TRIM42: variants seen among roughly 807,000 people sequenced by gnomAD.
The protein encoded by TRIM42 is tripartite motif containing 42.
Under a neutral mutation model 64.9 loss-of-function variants are expected in TRIM42, and 59 were observed. The observed-to-expected ratio is 0.91, with a 90% confidence interval of 0.74 to 1.13. The LOEUF (loss-of-function observed/expected upper bound fraction) is 1.13. Among genes scored for constraint, TRIM42 ranks in the 50% most tolerant of loss-of-function variants. The pLI is 0.00. For missense variants in TRIM42, 878 were observed against 929.5 expected, an observed-to-expected ratio of 0.94 and a Z score of 0.72; for synonymous variants, 354 against 346.3, an observed-to-expected ratio of 1.02 and a Z score of -0.25.
intron 2 of TRIM42, among the ~76,000 whole-genome samples, chr3:140,684,396 G>T (rs1988496630): frequency 6.6e-6 from 1 of 152,178 alleles, no homozygotes; most frequent in Non-Finnish European, 1.5e-5. Flanking sequence ...CTTAAGGAGT[G>T]GCCTACAGTC....
rs748318923 is a variant in TRIM42, at chr3:140,691,034, TCTC to T, written c.1933_1935del (p.Pro645del). ...GATGGAATTCTATGAAGTCATTACTTCTCCTCCTAACAACGTACAAATGGAGCT... is the reference window on the plus strand; with the variant it reads ...GATGGAATTCTATGAAGTCATTACTTCTCCTAACAACGTACAAATGGAGCT... On this transcript the variant is annotated inframe_deletion, in exon 4 of 5. Coordinates refer to ENST00000286349, the MANE Select transcript of TRIM42 (RefSeq NM_152616.5). 7 of 1,614,046 alleles carry T rather than the reference TCTC, an allele frequency of 4.3e-6. No homozygotes were observed. The highest frequency in any genetic ancestry group is 4.5e-5 in the East Asian group (2 of 44,866).
Position 140,683,167 on chromosome 3 carries a change from C to T in TRIM42, c.1039+8C>T, listed in dbSNP as rs535746554. The T allele has an allele frequency of 5.0e-6, 8 of 1,613,096 alleles. No homozygotes were observed. In the South Asian group the frequency reaches 5.5e-5, roughly 11 times the overall value. On this transcript the variant is annotated splice_region_variant and intron_variant, in intron 2 of 4. Transcript: ENST00000286349. ...TCGCCAAGTTCAAAGCAGGTCCTCC[C>T]CTTTTCCACTCCTTCAGCCTAACTT...
rs1306132577 is a variant in TRIM42 at position 140,683,019 on chromosome 3, A to G, written c.899A>G (p.Glu300Gly). 1 of 1,614,098 alleles carries G rather than the reference A, an allele frequency of 6.2e-7. No individual in the cohort carries two copies. The highest frequency in any genetic ancestry group is 1.3e-5 in the African/African-American group (1 of 74,934). ...CACCACCCATCCAGCCGCATCATCG[A>G]GTACTGCCGCAATGACAACAAATTG... ...CIHHPSSRII[E>G]YCRNDNKLLC... is the part of the protein sequence containing the mutation. The change falls in exon 2 of 5, where the codon GAG becomes GGG. Residue 300 changes from glutamate (E) to glycine (G), a missense_variant. Physicochemically the swap from Glu to Gly is moderately conservative, Grantham distance 98. Transcript: ENST00000286349.
intron 1 of TRIM42, among the ~76,000 whole-genome samples, chr3:140,681,427 T>G (rs953958166): frequency 2.0e-5 from 3 of 152,148 alleles, no homozygotes; most frequent in African/African-American, 7.2e-5. Flanking sequence ...TGACTTATAG[T>G]TGAGAAAACT....
chr3:140,683,220 G>A, intron 2 of TRIM42, 61 bp downstream of exon 2: 6 of 1,557,142 alleles, frequency 3.9e-6, no homozygotes, highest in Non-Finnish European at 4.4e-6. Flanking sequence ...GGGGAAGATG[G>A]CGTGGGGTAA....
chr3:140,683,343 C>G (rs954656999), intron 2 of TRIM42, among the ~76,000 whole-genome samples, 184 bp downstream of exon 2: 3 of 152,190 alleles, frequency 2.0e-5, no homozygotes, highest in African/African-American at 7.2e-5. Flanking sequence ...GCAACCACCA[C>G]CAGCCACTTA....
chr3:140,691,252 C>A lies in TRIM42; in HGVS notation c.2085+60C>A, dbSNP rs1435838111. The stretch of plus-strand genomic sequence containing the variant: ...TTTCTATGGTAGGTTCTGGATGAGG[C>A]CCTGTTAAGATGATCGTGAGATTAT... On this transcript the variant is annotated intron_variant, in intron 4 of 4. Transcript: ENST00000286349. 2.9e-6 allele frequency: 4 copies of A among 1,367,328 alleles called. No individual in the cohort carries two copies. In the Admixed American group the frequency reaches 6.8e-5, roughly 23 times the overall value. The allele number at this position is 1,367,328 out of a possible 1,614,324, so 84.7% of individuals were successfully genotyped here.
intron 4 of TRIM42, among the ~76,000 whole-genome samples, chr3:140,699,378 T>C (rs1988935424): frequency 6.6e-6 from 1 of 152,244 alleles, no homozygotes; most frequent in Admixed American, 6.5e-5. Context: ...TTCTATTTTC[T>C]AGAATAACTC....
intron 4 of TRIM42, among the ~76,000 whole-genome samples, chr3:140,697,498 A>T (rs1988881479): frequency 6.6e-6 from 1 of 152,182 alleles, no homozygotes; most frequent in Non-Finnish European, 1.5e-5. Flanking sequence ...TCTTTAATCC[A>T]TCCAGACTCT....
intron 4 of TRIM42, among the ~76,000 whole-genome samples, chr3:140,693,915 C>A (rs1041234505): frequency 3.3e-5 from 5 of 152,174 alleles, no homozygotes; most frequent in African/African-American, 4.8e-5. Flanking sequence ...CACTAATCAT[C>A]CCAACCACTG....
At chr3:140,687,296 C>T (rs1988567121) in intron 2 of TRIM42, among the ~76,000 whole-genome samples, 1 of 152,204 alleles carries the variant, frequency 6.6e-6, no homozygotes, top group Admixed American at 6.5e-5. Flanking sequence ...AAGTAGTCGG[C>T]AGAAACTTAG....
intron 4 of TRIM42, among the ~76,000 whole-genome samples, chr3:140,700,182 G>A (rs935228865): frequency 3.9e-5 from 6 of 152,062 alleles, no homozygotes; most frequent in Middle Eastern, 3.2e-3. Context: ...AGGCATGGAG[G>A]GCAACATCTA....
chr3:140,689,125 G>A (rs1381309688), intron 3 of TRIM42, among the ~76,000 whole-genome samples: 1 of 152,196 alleles, frequency 6.6e-6, no homozygotes, highest in Non-Finnish European at 1.5e-5. Flanking sequence ...AAGTGCCATT[G>A]CCTGGCCTCA....
chr3:140,691,273 AT>A, intron 4 of TRIM42, 81 bp downstream of exon 4: 1 of 1,175,348 alleles, frequency 8.5e-7, no homozygotes, highest in African/African-American at 1.5e-5. Context: ...TGATCGTGAG[AT>A]TATAGAACTC....
Position 140,691,131 on chromosome 3 carries a change from A to G in TRIM42, c.2024A>G (p.Tyr675Cys). ...ELHNLTPNTE[Y>C]VFKVRAINDN... ...CACAACCTGACCCCCAACACAGAATACGTGTTTAAAGTTAGAGCCATCAAT... is the reference window on the plus strand; with the variant it reads ...CACAACCTGACCCCCAACACAGAATGCGTGTTTAAAGTTAGAGCCATCAAT... The change falls in exon 4 of 5, where the codon TAC becomes TGC. Residue 675 changes from tyrosine (Y) to cysteine (C), a missense_variant. Tyr to Cys is a radical substitution (Grantham distance 194, BLOSUM62 -2). Coordinates refer to ENST00000286349, the MANE Select transcript of TRIM42 (RefSeq NM_152616.5). 1 of 1,614,126 alleles carries G rather than the reference A, an allele frequency of 6.2e-7. No individual in the cohort carries two copies. Among genetic ancestry groups the G allele is most frequent in the Non-Finnish European group, 8.5e-7 (1 of 1,179,998 alleles).
At chr3:140,698,196 T>C (rs2107768805) in intron 4 of TRIM42, among the ~76,000 whole-genome samples, 1 of 152,342 alleles carries the variant, frequency 6.6e-6, no homozygotes, top group East Asian at 1.9e-4. Context: ...TAGCTAATCA[T>C]AGAAATTTAT....
At chr3:140,680,736 C>G in intron 1 of TRIM42, 3 of 984,244 alleles carry the variant, frequency 3.0e-6, no homozygotes, top group Non-Finnish European at 2.4e-6. Context: ...GGCCAGCATG[C>G]CTAGAGCTCC....
chr3:140,700,236 G>A (rs752000567), intron 4 of TRIM42, among the ~76,000 whole-genome samples: 16 of 152,204 alleles, frequency 1.1e-4, no homozygotes, highest in Middle Eastern at 3.4e-3. Context: ...CTTACCCCTC[G>A]TGCCCAGTAC....
intron 1 of TRIM42, chr3:140,680,587 C>A (rs528820660): frequency 5.5e-6 from 4 of 722,704 alleles, no homozygotes; most frequent in Non-Finnish European, 6.8e-6. Flanking sequence ...TACCTTGATT[C>A]TCCAGGCCTT....
Sources: gnomAD v4.1 joint callset for allele counts (sites outside exome capture counted in the v4.1 genomes callset) on GRCh38, gnomAD v4.1.1 for gene constraint, MANE v1.5 for transcripts, NCBI Gene and HGNC (gene_info 2026-07-23, HGNC 2026-07-21) for gene names.